Variants in TRHDE observed in about 807,000 individuals in gnomAD.
TRHDE encodes the protein thyrotropin releasing hormone degrading enzyme.
TRHDE carries 72 observed loss-of-function variants against 125.7 expected under a neutral mutation model. That is an observed-to-expected ratio of 0.57 (90% CI 0.47 to 0.70). The LOEUF (loss-of-function observed/expected upper bound fraction) is 0.70, where lower values mean the gene tolerates loss of function less well. TRHDE is among the 30% of genes least tolerant of loss of function. The probability of loss-of-function intolerance (pLI) is 0.00; values close to 1 mark genes in which losing one functional copy is unlikely to be tolerated. For synonymous variants in TRHDE, 509 were observed against 509.1 expected (o/e 1.00, Z 0.00); for missense variants, 1,110 against 1,327.1 (o/e 0.84, Z 2.54).
intron 15 of TRHDE, among the ~76,000 whole-genome samples, chr12:72,636,012 T>C (rs994113946): frequency 2.9e-5 from 4 of 136,634 alleles, no homozygotes; most frequent in African/African-American, 1.1e-4. Flanking sequence ...ATATGAACTT[T>C]AAAGTAGTTT....
upstream of TRHDE, among the ~76,000 whole-genome samples, chr12:72,269,894 G>T (rs181008590): frequency 6.6e-6 from 1 of 152,276 alleles, no homozygotes; most frequent in African/African-American, 2.4e-5. Flanking sequence ...TTTAGAAAGA[G>T]AAAGTCTTAA....
chr12:72,652,866 A>G (rs1874560557), intron 16 of TRHDE, 150 bp from the exon 17 acceptor site: 1 of 464,916 alleles, frequency 2.2e-6, no homozygotes, highest in Non-Finnish European at 3.6e-6. Flanking sequence ...ATAAACAGAA[A>G]TGTGTTCTAT....
At chr12:72,544,514 CAT>C (rs1432353027) in intron 7 of TRHDE, among the ~76,000 whole-genome samples, 1 of 151,382 alleles carries the variant, frequency 6.6e-6, no homozygotes, top group Non-Finnish European at 1.5e-5. Context: ...GTGTGTTTTT[CAT>C]ATATGTTTTT....
chr12:72,618,869 CTTTT>C lies in TRHDE; in HGVS notation c.2322-12_2322-9del, dbSNP rs111312234. The C allele has an allele frequency of 5.9e-6, 8 of 1,345,714 alleles. No homozygotes were observed. Among genetic ancestry groups the C allele is most frequent in the South Asian group, 3.2e-5 (2 of 61,670 alleles). The allele number at this position is 1,345,714 out of a possible 1,614,324, so 83.4% of individuals were successfully genotyped here. A position where few individuals can be genotyped will look rare whatever the true frequency, so the allele number is the denominator to read the frequency against. ...TCTTCGTTTGTGCATCATCATGTAT[CTTTT>C]TTTTTTTTTAACTGTAGGGCTGGCT... is the stretch of plus-strand genomic sequence containing the variant. On this transcript the variant is annotated intron_variant, in intron 12 of 18. Coordinates refer to ENST00000261180, the MANE Select transcript of TRHDE (RefSeq NM_013381.3).
intron 16 of TRHDE, 137 bp from the exon 17 acceptor site, chr12:72,652,879 A>C (rs1213607988): frequency 5.7e-6 from 3 of 522,912 alleles, no homozygotes; most frequent in African/African-American, 2.0e-5. Context: ...TGTTCTATTT[A>C]TAAGTTTGCA....
intron 2 of TRHDE, among the ~76,000 whole-genome samples, chr12:72,210,236 T>G (rs1877751726): frequency 6.6e-6 from 1 of 151,458 alleles, no homozygotes; most frequent in East Asian, 1.9e-4. Context: ...ATATCTATCT[T>G]TTGGGTGTGT....
intron 6 of TRHDE, among the ~76,000 whole-genome samples, chr12:72,534,130 A>T (rs1197114685): frequency 6.6e-6 from 1 of 152,174 alleles, no homozygotes; most frequent in Admixed American, 6.5e-5. Flanking sequence ...TTGCAATGGA[A>T]AAGTTATATC....
rs1175988458 is a variant in TRHDE at position 72,525,620 on chromosome 12, TGTGTGTGTGTGTGTGA to T, written c.1723-16669_1723-16654del. On this transcript the variant is annotated intron_variant, in intron 6 of 18. Coordinates refer to ENST00000261180, the MANE Select transcript of TRHDE (RefSeq NM_013381.3). ...TGTGGTTTGTGTGTGTGTGTGTGTG[TGTGTGTGTGTGTGTGA>T]GAGAGAGAGAGAGAGAGAGAAAGTT... Among the ~76,000 whole-genome samples the T allele has an allele frequency of 2.1e-3, 315 of 148,976 alleles. 2 individuals are homozygous for T. The highest frequency in any genetic ancestry group is 7.3e-3 in the African/African-American group (293 of 40,164).
chr12:72,517,040 G>A (rs1004599530), intron 6 of TRHDE, among the ~76,000 whole-genome samples: 2 of 152,010 alleles, frequency 1.3e-5, no homozygotes, highest in African/African-American at 4.8e-5. Context: ...GCTGGATTCA[G>A]TTTGCCAGTA....
At chr12:72,625,274 A>C (rs1249820048) in intron 15 of TRHDE, among the ~76,000 whole-genome samples, 1 of 151,952 alleles carries the variant, frequency 6.6e-6, no homozygotes, top group Admixed American at 6.6e-5. Flanking sequence ...CTGTAAGCCA[A>C]TACAAAGTAA....
At chr12:72,572,603 G>A (rs1384558135) in intron 10 of TRHDE, among the ~76,000 whole-genome samples, 10 of 151,986 alleles carry the variant, frequency 6.6e-5, no homozygotes, top group African/African-American at 1.7e-4. Flanking sequence ...TTTCTCCAGC[G>A]ATCTCGTTTG....
chr12:72,098,902 AC>A (rs1389753203), intron 1 of TRHDE, among the ~76,000 whole-genome samples: 5 of 152,218 alleles, frequency 3.3e-5, no homozygotes, highest in Non-Finnish European at 7.3e-5. Context: ...TTCGTGGCTC[AC>A]GTCTGTAATT....
In TRHDE at chr12:72,273,314, A is replaced by T; in HGVS notation, c.671A>T (p.Tyr224Phe). Residue 224 changes from tyrosine to phenylalanine, a missense_variant, in exon 1 of 19, where the codon TAC becomes TTC. Around this residue, in one of 5 missense-constraint regions of TRHDE, gnomAD observed 72 missense variants for 122.2 expected, o/e 0.59. Transcript: ENST00000261180. This position sits in a 1 kb window ranked among gnomAD's most constrained non-coding sequence, Gnocchi z 5.3. ...VEIACRNATRYVVLHASRVAV... is the reference protein window; with the variant it reads ...VEIACRNATRFVVLHASRVAV... ...ATCGCGTGCCGGAACGCCACCCGCT[A>T]CGTAGTGCTGCACGCTTCCCGAGTG... 2 of 1,614,064 alleles carry T rather than the reference A, an allele frequency of 1.2e-6. No homozygotes were observed. The highest frequency in any genetic ancestry group is 1.7e-6 in the Non-Finnish European group (2 of 1,180,004).
chr12:72,203,476 T>A (rs1340872049), intron 2 of TRHDE, among the ~76,000 whole-genome samples: 2 of 150,962 alleles, frequency 1.3e-5, no homozygotes, highest in Non-Finnish European at 3.0e-5. Context: ...TCAAAAAAAA[T>A]AAAAAATAAA....
At chr12:72,362,391 C>A (rs986483510) in intron 2 of TRHDE, among the ~76,000 whole-genome samples, 1 of 150,148 alleles carries the variant, frequency 6.7e-6, no homozygotes, top group African/African-American at 2.4e-5. Context: ...ATGTCCTTTG[C>A]CCACTTTTTG....
chr12:72,135,020 G>A (rs1875949046), intron 2 of TRHDE, among the ~76,000 whole-genome samples: 1 of 151,456 alleles, frequency 6.6e-6, no homozygotes, highest in African/African-American at 2.4e-5. Flanking sequence ...ATCACAATAT[G>A]CAAAACACTA....
At chr12:72,591,712 G>C (rs1284122049) in intron 12 of TRHDE, among the ~76,000 whole-genome samples, 1 of 135,916 alleles carries the variant, frequency 7.4e-6, no homozygotes, top group Non-Finnish European at 1.5e-5. Context: ...TTTATATGAA[G>C]ATTTCTTCAT....
intron 6 of TRHDE, among the ~76,000 whole-genome samples, chr12:72,540,074 C>T (rs1177767601): frequency 4.0e-5 from 6 of 151,662 alleles, no homozygotes; most frequent in African/African-American, 1.5e-4. Context: ...TGTTATAATC[C>T]ATACATAGTA....
chr12:72,096,409 T>C (rs1025199229), intron 1 of TRHDE, among the ~76,000 whole-genome samples: 1 of 152,206 alleles, frequency 6.6e-6, no homozygotes, highest in East Asian at 1.9e-4. Context: ...GGCAATTAGA[T>C]TGTTTCTTCC....
Sources: gnomAD v4.1 joint callset for allele counts (sites outside exome capture counted in the v4.1 genomes callset) on GRCh38, gnomAD v4.1.1 for gene constraint, gnomAD v4.1.1 regional missense constraint, Gnocchi (gnomAD v3.1) non-coding constraint, MANE v1.5 for transcripts, NCBI Gene and HGNC (gene_info 2026-07-23, HGNC 2026-07-21) for gene names.